SYT2: variants seen among roughly 807,000 people sequenced by gnomAD.
The protein encoded by SYT2 is synaptotagmin 2.
SYT2 carries 15 observed loss-of-function variants against 39.9 expected under a neutral mutation model. That is an observed-to-expected ratio of 0.38 (90% CI 0.25 to 0.58). The LOEUF (loss-of-function observed/expected upper bound fraction) is 0.58, where lower values mean the gene tolerates loss of function less well. SYT2 is among the 20% of genes least tolerant of loss of function. The probability of loss-of-function intolerance (pLI) is 0.70; values close to 1 mark genes in which losing one functional copy is unlikely to be tolerated. For missense variants in SYT2, 389 were observed against 530.3 expected (o/e 0.73, Z 2.62); for synonymous variants, 181 against 204.5 (o/e 0.89, Z 0.98).
intron 1 of SYT2, among the ~76,000 whole-genome samples, chr1:202,615,188 C>T (rs1691001091): frequency 6.6e-6 from 1 of 152,150 alleles, no homozygotes; most frequent in Non-Finnish European, 1.5e-5. Flanking sequence ...GAAGCAGCAG[C>T]AGCAGATTGG....
In SYT2 at chr1:202,601,647, C is replaced by A. The variant is rs1000870219; in HGVS notation, c.801+243G>T. ...ATTTGAGTACCTACCAAATACCAGTCGCTGCGCTAGGCGCTTTATGCAGGT... is the reference window on the plus strand; with the variant it reads ...ATTTGAGTACCTACCAAATACCAGTAGCTGCGCTAGGCGCTTTATGCAGGT... On this transcript the variant is annotated intron_variant, in intron 6 of 8. Coordinates refer to ENST00000367268, the MANE Select transcript of SYT2 (RefSeq NM_177402.5). The surrounding 1 kb of genome is among the most constrained non-coding windows in gnomAD (Gnocchi z 4.0). 9.2e-5 allele frequency among the ~76,000 whole-genome samples: 14 copies of A among 152,320 alleles called. No homozygotes were observed. The highest frequency in any genetic ancestry group is 6.8e-3 in the Middle Eastern group (2 of 294).
rs113990222 is a variant in SYT2 at position 202,599,615 on chromosome 1, AAG to A, written c.920-266_920-265del. Among the ~76,000 whole-genome samples, 764 of 152,276 alleles carry A rather than the reference AAG, an allele frequency of 5.0e-3. 8 individuals are homozygous for A. Among genetic ancestry groups the A allele is most frequent in the African/African-American group, 0.018 (732 of 41,562 alleles). ...TGAGTCTAAGTAAGGCCTTGTGAGA[AAG>A]AGTCTGGGGATTCATCTGTGATCCT... On this transcript the variant is annotated intron_variant, in intron 7 of 8. Coordinates refer to ENST00000367268, the MANE Select transcript of SYT2 (RefSeq NM_177402.5). This position sits in a 1 kb window ranked among gnomAD's most constrained non-coding sequence, Gnocchi z 4.4.
At position 202,665,258 on chromosome 1, in the gene SYT2, A is replaced by G. The variant is rs139577931; in HGVS notation, c.-18+45000T>C. On this transcript the variant is annotated intron_variant, in intron 1 of 8. Coordinates refer to ENST00000367268, the MANE Select transcript of SYT2 (RefSeq NM_177402.5). ...TTTGCTGTCACCTCTTGCGTAAAGCACAGAGTCAAAGGTACTTAGGTATGT... is the reference window on the plus strand; with the variant it reads ...TTTGCTGTCACCTCTTGCGTAAAGCGCAGAGTCAAAGGTACTTAGGTATGT... Among the ~76,000 whole-genome samples, 122 of 152,354 alleles carry G rather than the reference A, an allele frequency of 8.0e-4. No homozygotes were observed. The East Asian group carries it at 0.019, about 23-fold the overall frequency.
At chr1:202,706,556 T>G (rs1267793930) in intron 1 of SYT2, among the ~76,000 whole-genome samples, 1 of 152,016 alleles carries the variant, frequency 6.6e-6, no homozygotes, top group East Asian at 1.9e-4. Flanking sequence ...AAAAACAGAG[T>G]GTGATTGACT....
intron 1 of SYT2, 103 bp from the exon 2 acceptor site, chr1:202,605,892 A>C: frequency 1.4e-6 from 1 of 735,066 alleles, no homozygotes; most frequent in Non-Finnish European, 2.2e-6. Flanking sequence ...TAGATCAAAG[A>C]TATTTTGCAT....
chr1:202,610,410 C>T (rs1453544456), intron 1 of SYT2, among the ~76,000 whole-genome samples: 1 of 152,140 alleles, frequency 6.6e-6, no homozygotes, highest in East Asian at 1.9e-4. Context: ...TGAAAACTGG[C>T]ACAAGACAGG....
rs138802586 is a variant in SYT2 at position 202,618,617 on chromosome 1, A to G, written c.-17-12828T>C. Among the ~76,000 whole-genome samples the G allele has an allele frequency of 1.0e-3, 156 of 152,308 alleles. 1 individual carries two copies. The highest frequency in any genetic ancestry group is 3.6e-3 in the African/African-American group (151 of 41,562). On this transcript the variant is annotated intron_variant, in intron 1 of 8. Transcript: ENST00000367268. Reference sequence around the variant, plus strand: ...AGTGTCAGACTTCTTAACTATTTGAATGCAGCTTTTATTCCTAAACCCTCG... The same window carrying G: ...AGTGTCAGACTTCTTAACTATTTGAGTGCAGCTTTTATTCCTAAACCCTCG...
chr1:202,617,150 C>T (rs1222962792), intron 1 of SYT2, among the ~76,000 whole-genome samples: 1 of 152,232 alleles, frequency 6.6e-6, no homozygotes, highest in African/African-American at 2.4e-5. Flanking sequence ...TCCCCTAATA[C>T]ACTGTATTAC....
At chr1:202,655,034 G>A (rs143668378) in intron 1 of SYT2, among the ~76,000 whole-genome samples, 50 of 152,312 alleles carry the variant, frequency 3.3e-4, no homozygotes, top group African/African-American at 9.4e-4. Flanking sequence ...AAATGGGGGT[G>A]TCACTCACTG....
chr1:202,700,104 C>T (rs969071845), intron 1 of SYT2, among the ~76,000 whole-genome samples: 14 of 152,088 alleles, frequency 9.2e-5, no homozygotes, highest in Non-Finnish European at 1.3e-4. Context: ...TCCCTAGACA[C>T]CCCTCTCTCC....
chr1:202,689,462 G>A (rs1653763576), intron 1 of SYT2, among the ~76,000 whole-genome samples: 1 of 152,202 alleles, frequency 6.6e-6, no homozygotes, highest in Admixed American at 6.5e-5. Context: ...GGGATGAGGT[G>A]AGCATGGAGT....
chr1:202,651,038 A>G (rs367899958), intron 1 of SYT2, among the ~76,000 whole-genome samples: 12 of 152,168 alleles, frequency 7.9e-5, no homozygotes, highest in African/African-American at 2.9e-4. Context: ...GGGCCTTGCA[A>G]GCCAGGCTAA....
At chr1:202,668,653 C>T (rs1692525233) in intron 1 of SYT2, among the ~76,000 whole-genome samples, 1 of 152,150 alleles carries the variant, frequency 6.6e-6, no homozygotes, top group African/African-American at 2.4e-5. Flanking sequence ...AATTCCTTGC[C>T]TTGAAGTATT....
At chr1:202,673,319 A>C (rs541698264) in intron 1 of SYT2, among the ~76,000 whole-genome samples, 1 of 152,320 alleles carries the variant, frequency 6.6e-6, no homozygotes, top group Admixed American at 6.5e-5. Context: ...TGTAAGTTAA[A>C]AGGTACGTGA....
intron 1 of SYT2, among the ~76,000 whole-genome samples, chr1:202,691,742 A>AGG: frequency 2.7e-5 from 2 of 75,350 alleles, no homozygotes; most frequent in African/African-American, 5.7e-5. Flanking sequence ...GGAGAGAGAG[A>AGG]GAGAGAGAGA....
At chr1:202,678,273 CAAAA>C (rs773123862) in intron 1 of SYT2, among the ~76,000 whole-genome samples, 8 of 30,728 alleles carry the variant, frequency 2.6e-4, no homozygotes, top group East Asian at 1.8e-3. Context: ...GACTCTGTCT[CAAAA>C]AAAAAAAAAA....
At chr1:202,685,987 G>A (rs1237301016) in intron 1 of SYT2, among the ~76,000 whole-genome samples, 8 of 152,102 alleles carry the variant, frequency 5.3e-5, no homozygotes, top group Non-Finnish European at 1.2e-4. Context: ...AAACCCCCAG[G>A]GTAGGGGCAA....
rs1654367599 is a variant in SYT2 at position 202,710,410 on chromosome 1, T to C, written c.-170A>G. 1 of 152,258 alleles carries C rather than the reference T, an allele frequency of 6.6e-6. No homozygotes were observed. The highest frequency in any genetic ancestry group is 2.1e-4 in the South Asian group (1 of 4,838). 9.4% of individuals were successfully genotyped at this position (152,258 alleles called of 1,614,324 possible). A position where few individuals can be genotyped will look rare whatever the true frequency, so the allele number is the denominator to read the frequency against. On this transcript the variant is annotated 5_prime_UTR_variant, in exon 1 of 9. Transcript: ENST00000367268. ...CGCTCCACCGCTGCCCCAACTCGGC[T>C]CCGAAGTGCCTTTGCCGCAAGACTT...
intron 1 of SYT2, among the ~76,000 whole-genome samples, chr1:202,647,780 G>A (rs1026881801): frequency 2.6e-5 from 4 of 151,734 alleles, no homozygotes; most frequent in South Asian, 4.2e-4. Flanking sequence ...TCACTACCAC[G>A]ACCATCACTA....
Sources: gnomAD v4.1 joint callset for allele counts (sites outside exome capture counted in the v4.1 genomes callset) on GRCh38, gnomAD v4.1.1 for gene constraint, Gnocchi (gnomAD v3.1) non-coding constraint, MANE v1.5 for transcripts, NCBI Gene and HGNC (gene_info 2026-07-23, HGNC 2026-07-21) for gene names.